The following HGSNAT variants were observed in gnomAD, a reference collection of about 807,000 sequenced individuals.
HGSNAT encodes transmembrane protein 76.
In HGSNAT, 59 loss-of-function variants were observed where a neutral mutation model predicts 85.2. The observed-to-expected ratio is 0.69, with a 90% CI of 0.56 to 0.86. HGSNAT has a LOEUF of 0.86. Ranked by LOEUF, HGSNAT falls within the 40% of genes least tolerant of loss-of-function variation. The pLI, the probability that HGSNAT is intolerant of heterozygous loss-of-function variation, is 0.00. For synonymous variants in HGSNAT, 321 were observed against 304.5 expected, an observed-to-expected ratio of 1.05 and a Z score of -0.56; for missense variants, 756 against 777.1, an observed-to-expected ratio of 0.97 and a Z score of 0.32.
intron 7 of HGSNAT, among the ~76,000 whole-genome samples, chr8:43,171,000 G>A (rs533850486): frequency 2.2e-4 from 33 of 152,232 alleles, no homozygotes; most frequent in African/African-American, 7.7e-4. Context: ...GCTGCAGACT[G>A]TATCCCATGT....
At chr8:43,159,234 GT>G (rs1411120409) in intron 4 of HGSNAT, among the ~76,000 whole-genome samples, 190 bp downstream of exon 4, 2 of 152,104 alleles carry the variant, frequency 1.3e-5, no homozygotes, top group African/African-American at 4.8e-5. Context: ...TAGTTATGAT[GT>G]ATTTAAAATA....
chr8:43,153,324 A>C (rs1244103284), intron 2 of HGSNAT, among the ~76,000 whole-genome samples: 3 of 152,192 alleles, frequency 2.0e-5, no homozygotes, highest in African/African-American at 7.2e-5. Context: ...CACAAACTAA[A>C]AAAAATTTTA....
At chr8:43,170,476 T>C in intron 6 of HGSNAT, 109 bp from the exon 7 acceptor site, 4 of 1,022,596 alleles carry the variant, frequency 3.9e-6, no homozygotes. Context: ...CGAGACTCTG[T>C]CTCAAAAAAC....
At chr8:43,152,201 G>T (rs886299551) in intron 2 of HGSNAT, among the ~76,000 whole-genome samples, 1 of 152,132 alleles carries the variant, frequency 6.6e-6, no homozygotes, top group Non-Finnish European at 1.5e-5. Context: ...TGAGGCAGGA[G>T]AATCACTTGA....
intron 14 of HGSNAT, chr8:43,194,141 T>C: frequency 2.7e-6 from 3 of 1,111,604 alleles, no homozygotes; most frequent in Non-Finnish European, 3.3e-6. Flanking sequence ...CTCATGCCTA[T>C]AACGCCAACA....
At chr8:43,177,746 A>C (rs1347410634) in intron 9 of HGSNAT, among the ~76,000 whole-genome samples, 1 of 152,152 alleles carries the variant, frequency 6.6e-6, no homozygotes. Context: ...GTGCTTGTGA[A>C]TGTCAAGTTA....
intron 11 of HGSNAT, among the ~76,000 whole-genome samples, chr8:43,186,841 G>A (rs998381290): frequency 4.6e-5 from 7 of 152,102 alleles, no homozygotes; most frequent in African/African-American, 1.7e-4. Context: ...GGTATGTTGT[G>A]TCTTTGTTAT....
intron 2 of HGSNAT, among the ~76,000 whole-genome samples, chr8:43,153,554 G>C (rs879874065): frequency 3.3e-5 from 5 of 152,038 alleles, no homozygotes; most frequent in Non-Finnish European, 7.4e-5. Context: ...CAAAACACTT[G>C]TCATTTCTTT....
intron 5 of HGSNAT, among the ~76,000 whole-genome samples, chr8:43,167,723 A>G (rs1803476324): frequency 6.6e-6 from 1 of 152,084 alleles, no homozygotes. Flanking sequence ...CTTCTGTGTA[A>G]CTGTTCATGA....
chr8:43,144,421 T>C (rs1025812250), intron 1 of HGSNAT, among the ~76,000 whole-genome samples: 21 of 152,164 alleles, frequency 1.4e-4, no homozygotes, highest in African/African-American at 4.6e-4. Context: ...ATCACTGTAA[T>C]GTCTATGTGT....
chr8:43,199,292 C>A (rs1586759830), intron 17 of HGSNAT, 96 bp from the exon 18 acceptor site: 1 of 854,732 alleles, frequency 1.2e-6, no homozygotes, highest in African/African-American at 1.7e-5. Context: ...TGCACACTTT[C>A]TGTTTTTTCA....
chr8:43,180,102 A>AC (rs1226414577), intron 10 of HGSNAT, among the ~76,000 whole-genome samples: 8,668 of 10,762 alleles, frequency 0.81, 3,933 homozygotes, highest in Non-Finnish European at 0.89. Flanking sequence ...CGGCTGGCCG[A>AC]CCCCCCCCCC....
At chr8:43,196,774 T>C (rs2130819159) in intron 14 of HGSNAT, 174 bp from the exon 15 acceptor site, 2 of 614,590 alleles carry the variant, frequency 3.3e-6, no homozygotes, top group Non-Finnish European at 5.8e-6. Context: ...GCTCCTCTGT[T>C]AGTCTCCACT....
intron 11 of HGSNAT, among the ~76,000 whole-genome samples, chr8:43,189,300 C>A (rs952708342): frequency 1.3e-5 from 2 of 152,198 alleles, no homozygotes; most frequent in African/African-American, 4.8e-5. Context: ...AGCTCCCCAC[C>A]TGCTTTGTTT....
intron 2 of HGSNAT, among the ~76,000 whole-genome samples, chr8:43,149,315 A>C (rs1483043230): frequency 6.6e-6 from 1 of 152,152 alleles, no homozygotes; most frequent in Non-Finnish European, 1.5e-5. Context: ...TACCCTGGAA[A>C]CTGGAAAGAC....
intron 4 of HGSNAT, 62 bp downstream of exon 4, chr8:43,159,106 A>G: frequency 6.4e-7 from 1 of 1,563,976 alleles, no homozygotes; most frequent in Non-Finnish European, 8.7e-7. Flanking sequence ...GTTTTTGAGT[A>G]CTGTTTGTAA....
At position 43,178,178 on chromosome 8, in the gene HGSNAT, T is replaced by G. The variant is rs1218595109; in HGVS notation, c.956T>G (p.Phe319Cys). 11 of 1,596,664 alleles carry G rather than the reference T, an allele frequency of 6.9e-6. No individual in the cohort carries two copies. In the Admixed American group the frequency reaches 2.0e-4, roughly 28 times the overall value. The change falls in exon 10 of 18, where the codon TTC (phenylalanine) becomes TGC (cysteine). Residue 319 changes from phenylalanine (F) to cysteine (C), a missense_variant. Transcript: ENST00000379644. ...RLLGKIAWRSFLLICIGIIIV... is the reference protein window; with the variant it reads ...RLLGKIAWRSCLLICIGIIIV... ...CTGGGGAAGATTGCATGGAGGAGTT[T>G]CCTGTTAATCTGCATAGGAATTATC...
intron 1 of HGSNAT, among the ~76,000 whole-genome samples, 184 bp downstream of exon 1, chr8:43,140,798 G>T (rs981374328): frequency 1.2e-4 from 18 of 152,090 alleles, no homozygotes; most frequent in African/African-American, 2.7e-4. Context: ...ACTTCGGGGT[G>T]CTGCGGCCGG....
At chr8:43,166,250 T>C (rs921640025) in intron 5 of HGSNAT, among the ~76,000 whole-genome samples, 2 of 152,186 alleles carry the variant, frequency 1.3e-5, no homozygotes, top group Non-Finnish European at 2.9e-5. Flanking sequence ...GCTAAGATAA[T>C]TGATGAAAGT....
Sources: gnomAD v4.1 joint callset for allele counts (sites outside exome capture counted in the v4.1 genomes callset) on GRCh38, gnomAD v4.1.1 for gene constraint, MANE v1.5 for transcripts, NCBI Gene and HGNC (gene_info 2026-07-23, HGNC 2026-07-21) for gene names.